FSTL5: variants seen among roughly 807,000 people sequenced by gnomAD.
FSTL5 encodes the protein follistatin like 5, also known as follistatin-related protein 5.
A neutral mutation model predicts 89.1 loss-of-function variants in FSTL5; 62 were observed. That is an observed-to-expected ratio of 0.70 (90% confidence interval 0.57 to 0.86). FSTL5 has a LOEUF of 0.86. Ranked by LOEUF, FSTL5 falls within the 40% of genes least tolerant of loss-of-function variation. The pLI, the probability that FSTL5 is intolerant of heterozygous loss-of-function variation, is 0.00. For synonymous variants in FSTL5, 383 were observed against 346.2 expected (o/e 1.11, Z -1.18); for missense variants, 1,057 against 1,001.6 (o/e 1.06, Z -0.75).
At chr4:161,553,019 T>C (rs1732268098) in intron 8 of FSTL5, among the ~76,000 whole-genome samples, 2 of 151,680 alleles carry the variant, frequency 1.3e-5, no homozygotes, top group Admixed American at 6.6e-5. Context: ...ACTACCAAAG[T>C]GTTGTCACAT....
At chr4:161,588,343 T>A in intron 7 of FSTL5, among the ~76,000 whole-genome samples, 1 of 152,096 alleles carries the variant, frequency 6.6e-6, no homozygotes, top group East Asian at 1.9e-4. Context: ...TAAAAATAAT[T>A]ATTAAAGCAG....
chr4:161,642,069 A>G (rs1483562535), intron 7 of FSTL5, among the ~76,000 whole-genome samples: 2 of 152,160 alleles, frequency 1.3e-5, no homozygotes, highest in African/African-American at 4.8e-5. Context: ...AAATTTATAC[A>G]TTTAAGAGAT....
At chr4:161,978,242 A>G (rs982664987) in intron 3 of FSTL5, among the ~76,000 whole-genome samples, 2 of 152,176 alleles carry the variant, frequency 1.3e-5, no homozygotes, top group Non-Finnish European at 2.9e-5. Flanking sequence ...GTATATTTAC[A>G]TGTATATGTG....
chr4:162,150,993 C>T (rs576650651), intron 1 of FSTL5, among the ~76,000 whole-genome samples: 1 of 152,092 alleles, frequency 6.6e-6, no homozygotes, highest in South Asian at 2.1e-4. Flanking sequence ...TAGGAAAGAT[C>T]AACTAATTGC....
At chr4:161,696,140 G>T (rs1047450999) in intron 6 of FSTL5, among the ~76,000 whole-genome samples, 1 of 152,120 alleles carries the variant, frequency 6.6e-6, no homozygotes. Context: ...TTTGTATAAG[G>T]TGAATGATGA....
intron 4 of FSTL5, among the ~76,000 whole-genome samples, chr4:161,779,775 GTATA>G (rs869254842): frequency 9.8e-4 from 25 of 25,412 alleles, no homozygotes; most frequent in African/African-American, 4.7e-3. Flanking sequence ...ATATATATAT[GTATA>G]TATATATATA....
chr4:161,615,170 T>G (rs1734804820), intron 7 of FSTL5, among the ~76,000 whole-genome samples: 1 of 150,952 alleles, frequency 6.6e-6, no homozygotes, highest in South Asian at 2.1e-4. Context: ...AGCGGGCGCC[T>G]GTAGTCCCAG....
At chr4:161,697,399 T>C (rs192805678) in intron 6 of FSTL5, among the ~76,000 whole-genome samples, 36 of 152,328 alleles carry the variant, frequency 2.4e-4, no homozygotes, top group African/African-American at 8.2e-4. Context: ...TACTTCACCA[T>C]CTTCTGTGAC....
chr4:161,494,013 A>G (rs1159698437), intron 12 of FSTL5, among the ~76,000 whole-genome samples: 2 of 152,286 alleles, frequency 1.3e-5, no homozygotes, highest in South Asian at 2.1e-4. Flanking sequence ...TGTGATTACT[A>G]AGGAAGCTTT....
chr4:161,446,564 T>C (rs1408676217), intron 15 of FSTL5, among the ~76,000 whole-genome samples: 1 of 152,012 alleles, frequency 6.6e-6, no homozygotes, highest in Non-Finnish European at 1.5e-5. Flanking sequence ...ATCCACTTAA[T>C]GATACAAAGA....
intron 10 of FSTL5, among the ~76,000 whole-genome samples, chr4:161,526,730 C>A (rs1322960364): frequency 2.0e-5 from 3 of 152,156 alleles, no homozygotes; most frequent in Non-Finnish European, 4.4e-5. Flanking sequence ...TTGTTTTTCT[C>A]AGGTTTGTCA....
At chr4:161,469,599 G>GA (rs1350482864) in intron 13 of FSTL5, among the ~76,000 whole-genome samples, 1 of 150,944 alleles carries the variant, frequency 6.6e-6, no homozygotes, top group African/African-American at 2.4e-5. Context: ...TAACGTCTTT[G>GA]AAAAATGTCT....
chr4:162,125,394 A>C (rs1732039936), intron 1 of FSTL5, among the ~76,000 whole-genome samples: 1 of 152,170 alleles, frequency 6.6e-6, no homozygotes, highest in Non-Finnish European at 1.5e-5. Context: ...TTTGAGGCAC[A>C]GTATAATGAC....
At position 161,712,811 on chromosome 4, in the gene FSTL5, A is replaced by G. The variant is rs143203560; in HGVS notation, c.727+46600T>C. 4.4e-3 allele frequency among the ~76,000 whole-genome samples: 661 copies of G among 149,332 alleles called. 3 individuals carry two copies. The highest frequency in any genetic ancestry group is 0.014 in the Middle Eastern group (4 of 294). ...TCTTTCTGAGTTCACTGGAGATCTC[A>G]TTGCTTAAAAGGGCTTGACCCCTCA... On this transcript the variant is annotated intron_variant, in intron 6 of 15. Transcript: ENST00000306100.
intron 7 of FSTL5, among the ~76,000 whole-genome samples, chr4:161,595,683 G>A (rs1161000410): frequency 6.6e-6 from 1 of 151,940 alleles, no homozygotes; most frequent in East Asian, 1.9e-4. Context: ...TAATCAGAAT[G>A]TACAAGGCAG....
Position 161,480,166 on chromosome 4 carries a change from C to G in FSTL5, c.1608+854G>C, listed in dbSNP as rs80102368. 4.8e-3 allele frequency among the ~76,000 whole-genome samples: 734 copies of G among 152,220 alleles called. 3 individuals are homozygous for G. The highest frequency in any genetic ancestry group is 7.7e-3 in the Non-Finnish European group (523 of 68,014). ...TTTCCCCAGAAATTTTGATAGGAAA[C>G]GGGCATATAGCACTTCCACATGCCA... On this transcript the variant is annotated intron_variant, in intron 13 of 15. Transcript: ENST00000306100.
At chr4:161,468,247 T>C (rs1733814075) in intron 13 of FSTL5, among the ~76,000 whole-genome samples, 1 of 146,260 alleles carries the variant, frequency 6.8e-6, no homozygotes, top group South Asian at 2.1e-4. Flanking sequence ...TGCCTACATT[T>C]TTTTTTTTTT....
At chr4:161,576,284 A>G (rs1031608302) in intron 8 of FSTL5, among the ~76,000 whole-genome samples, 1 of 152,180 alleles carries the variant, frequency 6.6e-6, no homozygotes, top group African/African-American at 2.4e-5. Context: ...TCATCAAGTT[A>G]CCATTGACTT....
chr4:161,781,115 TACTC>T (rs1306111473), intron 4 of FSTL5, among the ~76,000 whole-genome samples: 3 of 152,088 alleles, frequency 2.0e-5, no homozygotes, highest in African/African-American at 4.8e-5. Context: ...TTCCTCAAAT[TACTC>T]AATAATTGCT....
Sources: gnomAD v4.1 joint callset for allele counts (sites outside exome capture counted in the v4.1 genomes callset) on GRCh38, gnomAD v4.1.1 for gene constraint, MANE v1.5 for transcripts, NCBI Gene and HGNC (gene_info 2026-07-23, HGNC 2026-07-21) for gene names.